The following AKAP19 variants were observed in gnomAD, a reference collection of about 807,000 sequenced individuals.
AKAP19 encodes the protein A-kinase anchoring protein 19, also known as small A-kinase anchoring protein.
At chr2:190,004,622 G>A in the AKAP19 span, among the ~76,000 whole-genome samples, 2 of 147,872 alleles carry the variant, frequency 1.4e-5, no homozygotes, top group African/African-American at 5.0e-5. Context: ...TCACACCTCT[G>A]ACCTCAAATC....
the AKAP19 span, chr2:189,917,883 T>C: frequency 1.3e-5 from 2 of 152,284 alleles, no homozygotes; most frequent in East Asian, 1.9e-4. Context: ...TTATCTGTTT[T>C]ATTTTTTCTG....
the AKAP19 span, among the ~76,000 whole-genome samples, chr2:189,909,148 T>C: frequency 6.6e-6 from 1 of 151,996 alleles, no homozygotes; most frequent in African/African-American, 2.4e-5. Flanking sequence ...TAATTTCAAG[T>C]CTATTTTGTC....
the AKAP19 span, among the ~76,000 whole-genome samples, chr2:190,160,936 C>T: frequency 2.0e-5 from 3 of 152,034 alleles, no homozygotes; most frequent in African/African-American, 7.2e-5. Flanking sequence ...CGAGTACTTA[C>T]AGATGAAGAA....
chr2:190,122,106 G>C, the AKAP19 span, among the ~76,000 whole-genome samples: 1 of 152,150 alleles, frequency 6.6e-6, no homozygotes, highest in Admixed American at 6.5e-5. Flanking sequence ...CCAATAAAAT[G>C]GCAAAGTACT....
chr2:189,885,504 T>C, the AKAP19 span, among the ~76,000 whole-genome samples: 62 of 152,352 alleles, frequency 4.1e-4, no homozygotes, highest in Non-Finnish European at 7.5e-4. Context: ...TACAACTATA[T>C]GAGGTAGCTC....
At chr2:190,100,620 A>G in the AKAP19 span, among the ~76,000 whole-genome samples, 1 of 152,244 alleles carries the variant, frequency 6.6e-6, no homozygotes, top group Admixed American at 6.5e-5. Flanking sequence ...TTTACAAAGT[A>G]TGTTTAAAAT....
At chr2:190,079,903 GAGAGAGA>G in the AKAP19 span, 1 of 152,010 alleles carries the variant, frequency 6.6e-6, no homozygotes, top group East Asian at 1.9e-4. Context: ...GAGAGAGAGA[GAGAGAGA>G]AAGAGAGATA....
chr2:190,112,058 C>T, the AKAP19 span, among the ~76,000 whole-genome samples: 3 of 152,058 alleles, frequency 2.0e-5, no homozygotes, highest in Non-Finnish European at 4.4e-5. Context: ...CCACCACACC[C>T]AGCTGATTTT....
the AKAP19 span, among the ~76,000 whole-genome samples, chr2:190,067,870 A>G: frequency 6.6e-6 from 1 of 152,244 alleles, no homozygotes; most frequent in South Asian, 2.1e-4. Flanking sequence ...AATAAAAATG[A>G]AGTTATAATT....
the AKAP19 span, among the ~76,000 whole-genome samples, chr2:190,145,968 AT>A: frequency 0.02 from 1,838 of 90,378 alleles, 23 homozygotes; most frequent in Admixed American, 0.053. Context: ...CCTGATGGTT[AT>A]TCCATTTTTC....
chr2:189,971,920 C>T, the AKAP19 span, among the ~76,000 whole-genome samples: 1 of 151,488 alleles, frequency 6.6e-6, no homozygotes, highest in Non-Finnish European at 1.5e-5. Flanking sequence ...AATTTTCTCC[C>T]ATTCTGTAGG....
the AKAP19 span, among the ~76,000 whole-genome samples, chr2:190,184,741 G>A: frequency 6.6e-6 from 1 of 152,170 alleles, no homozygotes; most frequent in East Asian, 1.9e-4. Flanking sequence ...AGGCGAGGTG[G>A]TGTGTTTCAA....
chr2:189,913,260 C>T, the AKAP19 span, among the ~76,000 whole-genome samples: 5 of 152,042 alleles, frequency 3.3e-5, no homozygotes, highest in Non-Finnish European at 7.4e-5. Context: ...TTTCCAAGTT[C>T]TGTAATTAAA....
At chr2:190,198,219 T>A in the AKAP19 span, among the ~76,000 whole-genome samples, 1 of 152,202 alleles carries the variant, frequency 6.6e-6, no homozygotes, top group Non-Finnish European at 1.5e-5. Context: ...TGTAGTATTA[T>A]GAGAAACTGG....
chr2:189,933,138 A>G, the AKAP19 span, among the ~76,000 whole-genome samples: 1 of 152,286 alleles, frequency 6.6e-6, no homozygotes, highest in East Asian at 1.9e-4. Flanking sequence ...AGTTATTAAT[A>G]TTTTCTTGCT....
chr2:189,953,117 T>TA, the AKAP19 span, among the ~76,000 whole-genome samples: 141,211 of 152,130 alleles, frequency 0.93, 65,582 homozygotes, highest in East Asian at 0.97. Context: ...CCTGGCCAGA[T>TA]TTTTGTTCAG....
the AKAP19 span, among the ~76,000 whole-genome samples, chr2:190,141,846 G>C: frequency 1.3e-5 from 2 of 152,320 alleles, no homozygotes; most frequent in Admixed American, 1.3e-4. Flanking sequence ...TGACTCACAA[G>C]AGACACAAGT....
chr2:189,995,875 G>T, the AKAP19 span, among the ~76,000 whole-genome samples: 1 of 152,114 alleles, frequency 6.6e-6, no homozygotes, highest in South Asian at 2.1e-4. Context: ...GCTGGATATA[G>T]AATTCTTGGC....
At chr2:190,096,826 T>C in the AKAP19 span, among the ~76,000 whole-genome samples, 1 of 152,054 alleles carries the variant, frequency 6.6e-6, no homozygotes, top group African/African-American at 2.4e-5. Flanking sequence ...TGAGGGCCTG[T>C]TCCATCTATG....
Sources: gnomAD v4.1 joint callset for allele counts (sites outside exome capture counted in the v4.1 genomes callset) on GRCh38, gnomAD v4.1.1 for gene constraint, MANE v1.5 for transcripts, NCBI Gene and HGNC (gene_info 2026-07-23, HGNC 2026-07-21) for gene names.